The following GRIA4 variants were observed in gnomAD, a reference collection of about 807,000 sequenced individuals.
GRIA4 encodes glutamate receptor 4.
Under a neutral mutation model 104.0 loss-of-function variants are expected in GRIA4, and 34 were observed. The ratio of observed to expected loss-of-function variants is 0.33; its 90% CI spans 0.25 to 0.44. GRIA4 has a LOEUF of 0.44. Ranked by LOEUF, GRIA4 falls within the 20% of genes least tolerant of loss-of-function variation. GRIA4 has a pLI of 1.00. For synonymous variants in GRIA4, 386 were observed against 381.9 expected (o/e 1.01, Z -0.13); for missense variants, 750 against 1,096.5 (o/e 0.68, Z 4.46).
chr11:105,618,176 T>C (rs1950648638), intron 3 of GRIA4, among the ~76,000 whole-genome samples: 1 of 151,904 alleles, frequency 6.6e-6, no homozygotes, highest in Non-Finnish European at 1.5e-5. Context: ...GGTGAGACTT[T>C]GTAGATCTCA....
At chr11:105,724,795 A>G (rs1938092010) in intron 3 of GRIA4, among the ~76,000 whole-genome samples, 1 of 152,186 alleles carries the variant, frequency 6.6e-6, no homozygotes. Flanking sequence ...ATTTTTTTTA[A>G]AAAGCTGAGC....
At chr11:105,688,103 C>CATATCTATATCTATATCT (rs749922258) in intron 3 of GRIA4, among the ~76,000 whole-genome samples, 1 of 129,536 alleles carries the variant, frequency 7.7e-6, no homozygotes, top group Admixed American at 8.1e-5. Flanking sequence ...CTCTCTGTCT[C>CATATCTATATCTATATCT]ATATCTATAT....
rs190735615 is a variant in GRIA4, at chr11:105,698,540, T to C, written c.248-54441T>C. Among the ~76,000 whole-genome samples, 5 of 152,230 alleles carry C rather than the reference T, an allele frequency of 3.3e-5. No individual in the cohort carries two copies. The East Asian group carries it at 5.8e-4, about 18-fold the overall frequency. On this transcript the variant is annotated intron_variant, in intron 3 of 16. Coordinates refer to ENST00000282499, the MANE Select transcript of GRIA4 (RefSeq NM_000829.4). ...GTTTCCCTGGTAACAATGAACTGCTTTGCAATGAGACACGAAAGGAATCAA... is the reference window on the plus strand; with the variant it reads ...GTTTCCCTGGTAACAATGAACTGCTCTGCAATGAGACACGAAAGGAATCAA...
chr11:105,862,119 A>G lies in GRIA4; in HGVS notation c.583A>G (p.Arg195Gly). 2.5e-6 allele frequency: 4 copies of G among 1,607,550 alleles called. No individual in the cohort carries two copies. Among genetic ancestry groups the G allele is most frequent in the Non-Finnish European group, 3.4e-6 (4 of 1,174,092 alleles). The change falls in exon 5 of 17, where the codon AGG (arginine) becomes GGG (glycine). Residue 195 changes from arginine to glycine, a missense_variant. Physicochemically the swap from Arg to Gly is moderately radical, Grantham distance 125 (BLOSUM62 -2). This residue lies in a region of GRIA4 where 410 missense variants were observed against 502.7 expected (regional missense o/e 0.82). Transcript: ENST00000282499. ...GGAAAATTTTAATGATGTCAGCTAT[A>G]GGCAACTTCTAGAAGAACTTGACAG... ...CVENFNDVSY[R>G]QLLEELDRRQ...
At chr11:105,799,416 G>A (rs1476249563) in intron 4 of GRIA4, among the ~76,000 whole-genome samples, 1 of 151,998 alleles carries the variant, frequency 6.6e-6, no homozygotes, top group Non-Finnish European at 1.5e-5. Flanking sequence ...GTCAGTTGCT[G>A]GAGGGAAAAT....
intron 3 of GRIA4, among the ~76,000 whole-genome samples, chr11:105,634,468 G>GGGAAA (rs1951134975): frequency 6.4e-5 from 6 of 94,298 alleles, no homozygotes; most frequent in African/African-American, 1.2e-4. Context: ...AGAAAGAAAG[G>GGGAAA]GAAAGAAAGA....
At chr11:105,960,463 G>C (rs926252025) in intron 14 of GRIA4, among the ~76,000 whole-genome samples, 1 of 152,200 alleles carries the variant, frequency 6.6e-6, no homozygotes, top group Non-Finnish European at 1.5e-5. Context: ...GACAAGTCTT[G>C]GGAGCAAGCT....
intron 14 of GRIA4, among the ~76,000 whole-genome samples, chr11:105,947,093 T>A (rs1299778124): frequency 6.6e-6 from 1 of 152,196 alleles, no homozygotes; most frequent in Non-Finnish European, 1.5e-5. Flanking sequence ...TCATTCAAAC[T>A]AAGTAATTCA....
At chr11:105,889,010 A>G (rs1946372800) in intron 6 of GRIA4, among the ~76,000 whole-genome samples, 1 of 152,166 alleles carries the variant, frequency 6.6e-6, no homozygotes, top group African/African-American at 2.4e-5. Flanking sequence ...ATTATGAGAT[A>G]ACTAAGTACA....
chr11:105,705,254 C>A (rs1479019442), intron 3 of GRIA4, among the ~76,000 whole-genome samples: 4 of 151,976 alleles, frequency 2.6e-5, no homozygotes, highest in African/African-American at 9.7e-5. Flanking sequence ...ATACTATACA[C>A]CAGAATAAAT....
chr11:105,714,421 A>C (rs1050973731), intron 3 of GRIA4, among the ~76,000 whole-genome samples: 2 of 152,144 alleles, frequency 1.3e-5, no homozygotes, highest in Admixed American at 1.3e-4. Context: ...ATGCTTCCCT[A>C]CAATAAATAA....
At chr11:105,794,512 T>TATACAC (rs1313325715) in intron 4 of GRIA4, among the ~76,000 whole-genome samples, 11 of 106,896 alleles carry the variant, frequency 1.0e-4, no homozygotes, top group African/African-American at 3.1e-4. Flanking sequence ...TATATATATA[T>TATACAC]ACATATACAC....
intron 3 of GRIA4, among the ~76,000 whole-genome samples, chr11:105,649,933 A>C (rs895175399): frequency 3.3e-5 from 5 of 152,124 alleles, no homozygotes; most frequent in Non-Finnish European, 5.9e-5. Context: ...CATATAATAC[A>C]CTAAAGAAAT....
intron 14 of GRIA4, among the ~76,000 whole-genome samples, chr11:105,960,049 C>T (rs963470981): frequency 2.6e-5 from 4 of 152,192 alleles, no homozygotes; most frequent in Admixed American, 6.5e-5. Context: ...ATCGCTCTGG[C>T]GATAGGGTGT....
intron 5 of GRIA4, among the ~76,000 whole-genome samples, chr11:105,871,428 T>G (rs1945610036): frequency 6.6e-6 from 1 of 151,386 alleles, no homozygotes. Context: ...CAATCTAGTT[T>G]ATTAGGGAGA....
chr11:105,830,312 T>A (rs1318396521), intron 4 of GRIA4, among the ~76,000 whole-genome samples: 1 of 151,994 alleles, frequency 6.6e-6, no homozygotes, highest in Admixed American at 6.6e-5. Context: ...TCAAAGATGA[T>A]GAGGATATGA....
intron 3 of GRIA4, among the ~76,000 whole-genome samples, chr11:105,679,676 AG>A (rs2135461434): frequency 6.6e-6 from 1 of 152,260 alleles, no homozygotes; most frequent in East Asian, 1.9e-4. Context: ...GAATAAGAAC[AG>A]GAAAAAAAGA....
At chr11:105,666,863 G>A (rs1952182433) in intron 3 of GRIA4, among the ~76,000 whole-genome samples, 1 of 150,698 alleles carries the variant, frequency 6.6e-6, no homozygotes. Flanking sequence ...TTTTGGTCAC[G>A]TTTAAATTAT....
At chr11:105,911,883 T>A in intron 10 of GRIA4, 1 of 1,559,044 alleles carries the variant, frequency 6.4e-7, no homozygotes, top group Non-Finnish European at 8.8e-7. Context: ...CAGCCTCTGA[T>A]GAAGAATCCT....
Sources: allele counts gnomAD v4.1 joint callset (sites outside exome capture counted in the v4.1 genomes callset), GRCh38; gene constraint gnomAD v4.1.1; regional missense constraint gnomAD v4.1.1; transcripts MANE v1.5; gene names NCBI Gene and HGNC (gene_info 2026-07-23, HGNC 2026-07-21).